The following COG5 variants were observed in gnomAD, a reference collection of about 807,000 sequenced individuals.
COG5 encodes conserved oligomeric Golgi complex subunit 5.
A neutral mutation model predicts 110.4 loss-of-function variants in COG5; 86 were observed. The ratio of observed to expected loss-of-function variants is 0.78; its 90% CI spans 0.65 to 0.93. COG5 has a LOEUF of 0.93. Among genes scored for constraint, COG5 ranks in the 40% least tolerant of loss-of-function variants. COG5 has a pLI of 0.00. For missense variants in COG5, 1,077 were observed against 987.0 expected (o/e 1.09, Z -1.22); for synonymous variants, 360 against 334.6 (o/e 1.08, Z -0.83).
chr7:107,364,610 C>T (rs1259218855), intron 8 of COG5, among the ~76,000 whole-genome samples: 1 of 152,088 alleles, frequency 6.6e-6, no homozygotes, highest in African/African-American at 2.4e-5. Context: ...TCCAAACTGA[C>T]GTTTAATACC....
chr7:107,324,842 A>G (rs1010503786), intron 10 of COG5, among the ~76,000 whole-genome samples: 2 of 152,204 alleles, frequency 1.3e-5, no homozygotes, highest in African/African-American at 2.4e-5. Flanking sequence ...ATGAGGATTA[A>G]ACAAATTAAT....
chr7:107,361,022 G>C (rs1369270453), intron 10 of COG5, among the ~76,000 whole-genome samples: 1 of 152,154 alleles, frequency 6.6e-6, no homozygotes, highest in African/African-American at 2.4e-5. Flanking sequence ...TCAAACTTGA[G>C]GGCTAGTCCT....
At chr7:107,377,151 T>C (rs1165171968) in intron 7 of COG5, among the ~76,000 whole-genome samples, 1 of 152,200 alleles carries the variant, frequency 6.6e-6, no homozygotes, top group East Asian at 1.9e-4. Context: ...CTGGTTTATT[T>C]ATTCCTTAAA....
chr7:107,393,142 T>C (rs1336365385), intron 7 of COG5, among the ~76,000 whole-genome samples: 1 of 152,208 alleles, frequency 6.6e-6, no homozygotes, highest in African/African-American at 2.4e-5. Context: ...AAGTCCTCTT[T>C]CTCACTGCAT....
At chr7:107,443,650 GC>G (rs1246912315) in intron 6 of COG5, among the ~76,000 whole-genome samples, 1 of 152,034 alleles carries the variant, frequency 6.6e-6, no homozygotes, top group African/African-American at 2.4e-5. Flanking sequence ...AAATGACTTT[GC>G]TGACAGCCCA....
intron 6 of COG5, among the ~76,000 whole-genome samples, chr7:107,512,569 A>C (rs1799604248): frequency 6.6e-6 from 1 of 152,220 alleles, no homozygotes; most frequent in African/African-American, 2.4e-5. Flanking sequence ...ATGGAACCAA[A>C]AAAGAGCCCA....
At chr7:107,542,626 A>G (rs1014988675) in intron 5 of COG5, among the ~76,000 whole-genome samples, 1 of 152,216 alleles carries the variant, frequency 6.6e-6, no homozygotes, top group Non-Finnish European at 1.5e-5. Flanking sequence ...TCCAAATTCC[A>G]TAAGCAGAAT....
intron 6 of COG5, among the ~76,000 whole-genome samples, chr7:107,503,078 G>C (rs1798736657): frequency 1.3e-5 from 2 of 151,958 alleles, no homozygotes; most frequent in African/African-American, 4.8e-5. Context: ...ACTTTGTCTA[G>C]GCCAATGTCT....
At chr7:107,445,741 G>T (rs1164316826) in intron 6 of COG5, among the ~76,000 whole-genome samples, 1 of 152,170 alleles carries the variant, frequency 6.6e-6, no homozygotes, top group East Asian at 1.9e-4. Context: ...AAGCATTTAA[G>T]TAGTTGAATA....
chr7:107,204,722 G>C (rs1584517650), intron 21 of COG5, among the ~76,000 whole-genome samples: 2 of 152,252 alleles, frequency 1.3e-5, no homozygotes, highest in East Asian at 1.9e-4. Flanking sequence ...TGATCAGTTT[G>C]TAGTGCCCTT....
intron 1 of COG5, among the ~76,000 whole-genome samples, chr7:107,562,302 T>C (rs1474795761): frequency 1.3e-5 from 2 of 152,214 alleles, no homozygotes; most frequent in East Asian, 1.9e-4. Context: ...CTGATTACAA[T>C]TCCTGAAATA....
chr7:107,522,251 C>T (rs1008778714), intron 6 of COG5, among the ~76,000 whole-genome samples: 3 of 152,156 alleles, frequency 2.0e-5, no homozygotes, highest in Non-Finnish European at 4.4e-5. Context: ...GGCAGGTCAC[C>T]TGAAGTCAGG....
At chr7:107,246,591 A>C (rs1213358442) in intron 17 of COG5, among the ~76,000 whole-genome samples, 1 of 152,202 alleles carries the variant, frequency 6.6e-6, no homozygotes, top group Non-Finnish European at 1.5e-5. Flanking sequence ...AGACGAAGAC[A>C]TACATGCAGC....
At chr7:107,559,878 A>G (rs955981952) in intron 1 of COG5, among the ~76,000 whole-genome samples, 7 of 152,256 alleles carry the variant, frequency 4.6e-5, no homozygotes, top group Non-Finnish European at 8.8e-5. Flanking sequence ...TAGCACATGT[A>G]TATTGGACAG....
chr7:107,479,906 A>G (rs1375441464), intron 6 of COG5, among the ~76,000 whole-genome samples: 7 of 152,182 alleles, frequency 4.6e-5, no homozygotes, highest in Non-Finnish European at 1.0e-4. Flanking sequence ...ACACAGTGAG[A>G]AAATACCAAT....
chr7:107,209,732 T>C (rs1799027827), intron 21 of COG5: 1 of 783,176 alleles, frequency 1.3e-6, no homozygotes, highest in Non-Finnish European at 1.5e-6. Context: ...TTACTTCGTA[T>C]CCTCGGTTCC....
chr7:107,313,368 C>T (rs552804202), intron 11 of COG5, among the ~76,000 whole-genome samples: 14 of 152,182 alleles, frequency 9.2e-5, no homozygotes, highest in East Asian at 3.9e-4. Flanking sequence ...AAGACAATAC[C>T]GAATATTAAC....
intron 11 of COG5, among the ~76,000 whole-genome samples, chr7:107,300,664 G>A (rs941724448): frequency 6.6e-6 from 1 of 152,060 alleles, no homozygotes; most frequent in South Asian, 2.1e-4. Context: ...ATGCTGAGAT[G>A]AAGAAGACCT....
chr7:107,433,101 T>G (rs1325315939), intron 6 of COG5, among the ~76,000 whole-genome samples: 1 of 151,722 alleles, frequency 6.6e-6, no homozygotes, highest in African/African-American at 2.4e-5. Context: ...TCAAAAAGAG[T>G]AAGACACTTA....
Sources: allele counts gnomAD v4.1 joint callset (sites outside exome capture counted in the v4.1 genomes callset), GRCh38; gene constraint gnomAD v4.1.1; transcripts MANE v1.5; gene names NCBI Gene and HGNC (gene_info 2026-07-23, HGNC 2026-07-21).